KANSL1L: variants seen among roughly 807,000 people sequenced by gnomAD.
KANSL1L encodes KAT8 regulatory NSL complex subunit 1-like protein.
KANSL1L carries 25 observed loss-of-function variants against 108.6 expected under a neutral mutation model. The ratio of observed to expected loss-of-function variants is 0.23; its 90% CI spans 0.17 to 0.32. The LOEUF is 0.32. KANSL1L is among the 10% of genes least tolerant of loss of function. The pLI, the probability that KANSL1L is intolerant of heterozygous loss-of-function variation, is 1.00. For synonymous variants in KANSL1L, 405 were observed against 395.1 expected (o/e 1.03, Z -0.30); for missense variants, 1,137 against 1,125.7 (o/e 1.01, Z -0.14).
chr2:210,039,067 C>A, intron 8 of KANSL1L, among the ~76,000 whole-genome samples: 1 of 151,818 alleles, frequency 6.6e-6, no homozygotes, highest in Non-Finnish European at 1.5e-5. Flanking sequence ...TCTATCAGAA[C>A]CACCATGTTT....
At chr2:210,102,748 A>G (rs1409544514) in intron 4 of KANSL1L, among the ~76,000 whole-genome samples, 1 of 152,204 alleles carries the variant, frequency 6.6e-6, no homozygotes, top group African/African-American at 2.4e-5. Flanking sequence ...AGAGAAATGC[A>G]TATCAAAACC....
At chr2:210,063,789 T>C (rs944897036) in intron 6 of KANSL1L, 7 of 152,236 alleles carry the variant, frequency 4.6e-5, no homozygotes, top group African/African-American at 1.7e-4. Flanking sequence ...TACAGGCTCA[T>C]AGGCGAAAGG....
chr2:210,163,227 C>G (rs1388503839), intron 1 of KANSL1L, among the ~76,000 whole-genome samples: 1 of 151,972 alleles, frequency 6.6e-6, no homozygotes, highest in Admixed American at 6.6e-5. Context: ...TTTAAAACAA[C>G]TATGATTAAT....
rs767707333 is a variant in KANSL1L, at chr2:210,153,474, T to C, written c.1088+21A>G. ...GCTATATATGGAACAGAAAATAGTC[T>C]AATAATAATTTTGCACTTACACTGC... On this transcript the variant is annotated intron_variant, in intron 2 of 14. Coordinates refer to ENST00000281772, the MANE Select transcript of KANSL1L (RefSeq NM_152519.4). 3.8e-6 allele frequency: 6 copies of C among 1,598,272 alleles called. No individual in the cohort carries two copies. In the East Asian group the frequency reaches 1.1e-4, roughly 30 times the overall value.
intron 6 of KANSL1L, among the ~76,000 whole-genome samples, chr2:210,069,728 A>C (rs1437997944): frequency 6.7e-6 from 1 of 149,568 alleles, no homozygotes; most frequent in Non-Finnish European, 1.5e-5. Flanking sequence ...AATTAAATTT[A>C]AATTTTACTT....
intron 3 of KANSL1L, among the ~76,000 whole-genome samples, chr2:210,116,559 C>T (rs1165365577): frequency 1.3e-5 from 2 of 152,110 alleles, no homozygotes; most frequent in African/African-American, 4.8e-5. Flanking sequence ...GACTGTGTTT[C>T]CCTGGGGGAA....
At chr2:210,130,121 C>T (rs565921105) in intron 2 of KANSL1L, among the ~76,000 whole-genome samples, 131 of 152,060 alleles carry the variant, frequency 8.6e-4, no homozygotes, top group South Asian at 2.3e-3. Context: ...GACTGTAGAA[C>T]GCCAAGAGTG....
Position 210,023,190 on chromosome 2 carries a change from A to G in KANSL1L, c.2734-11T>C. The G allele has an allele frequency of 6.2e-7, 1 of 1,603,342 alleles. No homozygotes were observed. The highest frequency in any genetic ancestry group is 1.1e-5 in the South Asian group (1 of 90,730). ...TTCCCACCACAAAGACTGAAAGGGGAAAAATTTTCAGTTAAGTTTCAACTA... is the reference window on the plus strand; with the variant it reads ...TTCCCACCACAAAGACTGAAAGGGGGAAAATTTTCAGTTAAGTTTCAACTA... On this transcript the variant is annotated splice_polypyrimidine_tract_variant and intron_variant, in intron 14 of 14. Coordinates refer to ENST00000281772, the MANE Select transcript of KANSL1L (RefSeq NM_152519.4).
At chr2:210,119,017 C>CTA (rs2125498787) in intron 3 of KANSL1L, among the ~76,000 whole-genome samples, 1 of 151,906 alleles carries the variant, frequency 6.6e-6, no homozygotes, top group Non-Finnish European at 1.5e-5. Context: ...AACTCTGTCT[C>CTA]TACTAAAAAT....
chr2:210,099,603 A>G (rs2094772856), intron 4 of KANSL1L, among the ~76,000 whole-genome samples: 1 of 152,216 alleles, frequency 6.6e-6, no homozygotes, highest in African/African-American at 2.4e-5. Flanking sequence ...GCAAGTAATC[A>G]TTAGTCATGC....
intron 3 of KANSL1L, 21 bp from the exon 4 acceptor site, chr2:210,104,322 A>G: frequency 6.3e-7 from 1 of 1,588,640 alleles, no homozygotes; most frequent in Non-Finnish European, 8.6e-7. Context: ...AACAATGAGA[A>G]AGTTGAAATG....
chr2:210,081,127 C>CAA (rs972275870), intron 5 of KANSL1L, among the ~76,000 whole-genome samples: 3 of 151,714 alleles, frequency 2.0e-5, no homozygotes. Context: ...AACAAACAAA[C>CAA]AAAAAAACAC....
chr2:210,131,301 G>A (rs540304732), intron 2 of KANSL1L, among the ~76,000 whole-genome samples: 32 of 152,218 alleles, frequency 2.1e-4, no homozygotes, highest in African/African-American at 7.5e-4. Flanking sequence ...GGGAAGGAGA[G>A]GGGAGACAAA....
intron 1 of KANSL1L, among the ~76,000 whole-genome samples, chr2:210,156,159 T>C (rs890987369): frequency 6.6e-6 from 1 of 152,218 alleles, no homozygotes; most frequent in Middle Eastern, 3.4e-3. Flanking sequence ...ATCCAAATGG[T>C]CATTAAACAC....
At chr2:210,120,108 G>A (rs1250352344) in intron 3 of KANSL1L, among the ~76,000 whole-genome samples, 1 of 152,152 alleles carries the variant, frequency 6.6e-6, no homozygotes, top group East Asian at 1.9e-4. Context: ...AAGTGGTGCT[G>A]GCCAGGCACG....
At chr2:210,103,332 AG>A (rs1353603939) in intron 4 of KANSL1L, among the ~76,000 whole-genome samples, 4 of 135,708 alleles carry the variant, frequency 2.9e-5, no homozygotes, top group African/African-American at 8.2e-5. Context: ...GGGTGGGGGA[AG>A]GGGGGAGGGA....
chr2:210,027,460 A>G (rs939860080), intron 11 of KANSL1L, 110 bp from the exon 12 acceptor site: 21 of 689,118 alleles, frequency 3.0e-5, no homozygotes, highest in African/African-American at 5.4e-5. Context: ...TCCATGGTTC[A>G]AATTGTTGTA....
At chr2:210,063,379 C>T (rs984467738) in intron 6 of KANSL1L, among the ~76,000 whole-genome samples, 3 of 152,236 alleles carry the variant, frequency 2.0e-5, no homozygotes, top group East Asian at 1.9e-4. Flanking sequence ...ACAGCCCCTA[C>T]TGGGGCACCA....
intron 3 of KANSL1L, among the ~76,000 whole-genome samples, chr2:210,125,157 G>A (rs1278935844): frequency 6.6e-6 from 1 of 152,126 alleles, no homozygotes; most frequent in East Asian, 1.9e-4. Flanking sequence ...AGGGGGCTGA[G>A]GCAGGAGAAT....
Sources: allele counts gnomAD v4.1 joint callset (sites outside exome capture counted in the v4.1 genomes callset), GRCh38; gene constraint gnomAD v4.1.1; transcripts MANE v1.5; gene names NCBI Gene and HGNC (gene_info 2026-07-23, HGNC 2026-07-21).